Variants in FGGY observed in about 807,000 individuals in gnomAD.
FGGY encodes FGGY carbohydrate kinase domain-containing protein.
FGGY carries 72 observed loss-of-function variants against 71.3 expected under a neutral mutation model. The observed-to-expected ratio is 1.01, with a 90% CI of 0.84 to 1.23. The LOEUF (loss-of-function observed/expected upper bound fraction) is 1.23. FGGY is among the 50% of genes most tolerant of loss of function. The probability of loss-of-function intolerance (pLI) is 0.00; values close to 1 mark genes in which losing one functional copy is unlikely to be tolerated. For missense variants in FGGY, 668 were observed against 682.3 expected (o/e 0.98, Z 0.23); for synonymous variants, 251 against 250.3 (o/e 1.00, Z -0.02).
At chr1:59,531,245 A>T (rs1471938669) in intron 7 of FGGY, among the ~76,000 whole-genome samples, 1 of 152,194 alleles carries the variant, frequency 6.6e-6, no homozygotes, top group East Asian at 1.9e-4. Context: ...TATAGGTGTG[A>T]AGATCAAGAT....
In FGGY at chr1:59,414,415, A is replaced by T. The variant is rs148365454; in HGVS notation, c.554+35578A>T. Among the ~76,000 whole-genome samples the T allele has an allele frequency of 3.8e-3, 573 of 152,260 alleles. 4 individuals are homozygous for T. The highest frequency in any genetic ancestry group is 0.013 in the African/African-American group (536 of 41,544). On this transcript the variant is annotated intron_variant, in intron 5 of 15. Transcript: ENST00000303721. ...GGGATGGATAATGCACTTAATCTTC[A>T]TCTTCACATAAGGATAGCTGCTCTT...
chr1:59,683,300 T>C (rs1331273265), intron 14 of FGGY, among the ~76,000 whole-genome samples: 1 of 152,198 alleles, frequency 6.6e-6, no homozygotes, highest in South Asian at 2.1e-4. Flanking sequence ...AATTCAGATC[T>C]TACTCCAAAG....
intron 6 of FGGY, among the ~76,000 whole-genome samples, chr1:59,468,274 G>T (rs1558030214): frequency 6.6e-6 from 1 of 152,126 alleles, no homozygotes. Flanking sequence ...CTAGCTAACA[G>T]GCAATGAATG....
In FGGY at chr1:59,650,069, A is replaced by G. The variant is rs1317415631; in HGVS notation, c.1222-10150A>G. On this transcript the variant is annotated intron_variant, in intron 11 of 15. Coordinates refer to ENST00000303721, the MANE Select transcript of FGGY (RefSeq NM_018291.5). ...GGATTACATTTATTGATTTGCGTAT[A>G]TTGAACCAGCCTTGATCCCAGGGAT... Among the ~76,000 whole-genome samples, 12 of 148,608 alleles carry G rather than the reference A, an allele frequency of 8.1e-5. 1 individual carries two copies. Among genetic ancestry groups the G allele is most frequent in the Admixed American group, 7.3e-4 (11 of 15,136 alleles).
intron 13 of FGGY, among the ~76,000 whole-genome samples, chr1:59,669,007 A>AAAAAAAG (rs2097351301): frequency 6.6e-6 from 1 of 151,302 alleles, no homozygotes; most frequent in Non-Finnish European, 1.5e-5. Flanking sequence ...AAAAAAAAAA[A>AAAAAAAG]AAAAAGCATA....
intron 11 of FGGY, among the ~76,000 whole-genome samples, chr1:59,639,612 A>G (rs1199074968): frequency 6.6e-6 from 1 of 151,668 alleles, no homozygotes; most frequent in African/African-American, 2.4e-5. Flanking sequence ...TCATATGGGT[A>G]CAGAAATAAG....
At chr1:59,606,605 G>C (rs1358150599) in intron 8 of FGGY, among the ~76,000 whole-genome samples, 2 of 152,136 alleles carry the variant, frequency 1.3e-5, no homozygotes, top group Admixed American at 6.5e-5. Flanking sequence ...GAATCATGCT[G>C]ACAAGGACCT....
chr1:59,332,845 A>G (rs1398245018), intron 2 of FGGY, among the ~76,000 whole-genome samples: 1 of 152,198 alleles, frequency 6.6e-6, no homozygotes, highest in Non-Finnish European at 1.5e-5. Flanking sequence ...TCATTTTTAT[A>G]TGTGCTTACG....
chr1:59,675,017 A>G (rs1024567293), intron 14 of FGGY, among the ~76,000 whole-genome samples: 1 of 152,212 alleles, frequency 6.6e-6, no homozygotes, highest in African/African-American at 2.4e-5. Flanking sequence ...TGTGTCAAGC[A>G]TGCTCATTTA....
At chr1:59,639,882 T>C (rs972937104) in intron 11 of FGGY, among the ~76,000 whole-genome samples, 10 of 152,182 alleles carry the variant, frequency 6.6e-5, no homozygotes, top group Non-Finnish European at 1.0e-4. Context: ...TATCCATTTT[T>C]TAAAACCAAT....
At chr1:59,444,042 C>T (rs945998781) in intron 5 of FGGY, among the ~76,000 whole-genome samples, 1 of 152,192 alleles carries the variant, frequency 6.6e-6, no homozygotes, top group African/African-American at 2.4e-5. Flanking sequence ...AGAAACCCAA[C>T]ATTACTAGAA....
intron 11 of FGGY, among the ~76,000 whole-genome samples, chr1:59,659,366 A>G (rs1440212168): frequency 6.6e-6 from 1 of 152,198 alleles, no homozygotes; most frequent in Non-Finnish European, 1.5e-5. Flanking sequence ...CAGCTCCCTT[A>G]TTTTGATGCA....
chr1:59,584,051 C>T (rs1221322228), intron 8 of FGGY, among the ~76,000 whole-genome samples: 1 of 149,524 alleles, frequency 6.7e-6, no homozygotes, highest in Non-Finnish European at 1.5e-5. Context: ...AAGTCCAGGA[C>T]CGGATGGATT....
At chr1:59,547,578 A>G (rs939351365) in intron 7 of FGGY, among the ~76,000 whole-genome samples, 4 of 152,172 alleles carry the variant, frequency 2.6e-5, no homozygotes, top group Middle Eastern at 3.2e-3. Flanking sequence ...CTATTTGTAA[A>G]TCAAAGTGAT....
intron 14 of FGGY, among the ~76,000 whole-genome samples, chr1:59,700,765 A>G (rs907863265): frequency 6.6e-6 from 1 of 152,218 alleles, no homozygotes; most frequent in African/African-American, 2.4e-5. Context: ...ATGTTACAAA[A>G]GAAAGCAAAG....
At chr1:59,483,130 G>T (rs2093550404) in intron 6 of FGGY, among the ~76,000 whole-genome samples, 1 of 152,084 alleles carries the variant, frequency 6.6e-6, no homozygotes, top group Non-Finnish European at 1.5e-5. Flanking sequence ...CATCCTGGAG[G>T]GTCAGCAACC....
At chr1:59,639,465 TGAGCTTGGTGTCCTTTTTTATA>T (rs1450222385) in intron 11 of FGGY, among the ~76,000 whole-genome samples, 3 of 152,178 alleles carry the variant, frequency 2.0e-5, no homozygotes, top group African/African-American at 7.2e-5. Flanking sequence ...CAACAAATCA[TGAGCTTGGTGTCCTTTTTTATA>T]GAGGCAGAAG....
intron 10 of FGGY, among the ~76,000 whole-genome samples, chr1:59,630,293 C>G (rs1197107842): frequency 6.6e-6 from 1 of 152,106 alleles, no homozygotes; most frequent in Non-Finnish European, 1.5e-5. Context: ...CAAACCATAT[C>G]AACTACTACT....
At chr1:59,447,319 C>CT (rs1572254491) in intron 5 of FGGY, among the ~76,000 whole-genome samples, 2 of 152,082 alleles carry the variant, frequency 1.3e-5, no homozygotes, top group African/African-American at 4.8e-5. Context: ...TATATCTTTT[C>CT]TTTTTTCTGG....
Sources: gnomAD v4.1 joint callset for allele counts (sites outside exome capture counted in the v4.1 genomes callset) on GRCh38, gnomAD v4.1.1 for gene constraint, MANE v1.5 for transcripts, NCBI Gene and HGNC (gene_info 2026-07-23, HGNC 2026-07-21) for gene names.